The following SGCD variants were observed in gnomAD, a reference collection of about 807,000 sequenced individuals.
SGCD encodes delta-sarcoglycan.
A neutral mutation model predicts 36.6 loss-of-function variants in SGCD; 18 were observed. That is an observed-to-expected ratio of 0.49 (90% CI 0.34 to 0.73). The LOEUF is 0.73. Among genes scored for constraint, SGCD ranks in the 30% least tolerant of loss-of-function variants. The pLI, the probability that SGCD is intolerant of heterozygous loss-of-function variation, is 0.01. For missense variants in SGCD, 387 were observed against 346.7 expected (o/e 1.12, Z -0.92); for synonymous variants, 133 against 130.6 (o/e 1.02, Z -0.12).
At chr5:155,992,162 T>G (rs572245601) in intron 1 of SGCD, among the ~76,000 whole-genome samples, 1 of 152,236 alleles carries the variant, frequency 6.6e-6, no homozygotes, top group African/African-American at 2.4e-5. Context: ...AACACCAGAG[T>G]TTTGTCATCA....
intron 3 of SGCD, among the ~76,000 whole-genome samples, chr5:156,414,682 C>T: frequency 6.6e-6 from 1 of 152,186 alleles, no homozygotes; most frequent in East Asian, 1.9e-4. Context: ...GGTGGGCTCA[C>T]AGGCTGTACT....
intron 3 of SGCD, among the ~76,000 whole-genome samples, chr5:156,425,522 G>C (rs552100963): frequency 6.6e-5 from 10 of 152,112 alleles, no homozygotes; most frequent in African/African-American, 2.4e-4. Flanking sequence ...CTACAGTCCT[G>C]AGAAAGGGAC....
At chr5:155,799,823 T>C in the SGCD span, among the ~76,000 whole-genome samples, 44 of 139,238 alleles carry the variant, frequency 3.2e-4, no homozygotes, top group South Asian at 3.4e-3. Context: ...TTTTTTTTTT[T>C]TTTTTTTTTT....
chr5:156,498,962 G>GTA (rs1473447855), intron 3 of SGCD, among the ~76,000 whole-genome samples: 1 of 148,860 alleles, frequency 6.7e-6, no homozygotes, highest in African/African-American at 2.5e-5. Context: ...GTGTGTGTGT[G>GTA]TATGTGTATG....
intron 2 of SGCD, among the ~76,000 whole-genome samples, chr5:156,120,781 A>G (rs1454350557): frequency 6.6e-6 from 1 of 152,140 alleles, no homozygotes; most frequent in Admixed American, 6.6e-5. Flanking sequence ...ATGCATTTGG[A>G]TAGACTTGAG....
At chr5:156,722,715 C>A (rs554389375) in intron 7 of SGCD, among the ~76,000 whole-genome samples, 3 of 152,332 alleles carry the variant, frequency 2.0e-5, no homozygotes, top group African/African-American at 7.2e-5. Context: ...CATTCCCTGG[C>A]AGCCAGCCAT....
the SGCD span, among the ~76,000 whole-genome samples, chr5:155,745,473 T>TC: frequency 2.0e-5 from 3 of 152,190 alleles, no homozygotes; most frequent in Non-Finnish European, 2.9e-5. Flanking sequence ...TCTCTTTTTT[T>TC]CCTCATCAAT....
At chr5:155,926,747 T>TA (rs1757003742) in intron 1 of SGCD, among the ~76,000 whole-genome samples, 1 of 152,218 alleles carries the variant, frequency 6.6e-6, no homozygotes, top group Admixed American at 6.5e-5. Flanking sequence ...CTGTACCCAT[T>TA]AAAATTGATG....
intron 6 of SGCD, among the ~76,000 whole-genome samples, chr5:156,625,668 G>A (rs1049623779): frequency 6.6e-6 from 1 of 152,144 alleles, no homozygotes; most frequent in African/African-American, 2.4e-5. Context: ...CCCAGGTGAG[G>A]CTCCCTGTCC....
chr5:156,609,669 C>G (rs1761681084), intron 6 of SGCD, among the ~76,000 whole-genome samples: 1 of 152,216 alleles, frequency 6.6e-6, no homozygotes. Flanking sequence ...CTCCCCGTCA[C>G]TTTCAGGTAC....
intron 3 of SGCD, among the ~76,000 whole-genome samples, chr5:156,376,258 A>G (rs1054667478): frequency 1.4e-4 from 22 of 152,202 alleles, no homozygotes; most frequent in African/African-American, 4.8e-4. Context: ...CACAGCAAAC[A>G]TAGAGTGAGA....
At chr5:156,408,477 G>A (rs1772545538) in intron 3 of SGCD, among the ~76,000 whole-genome samples, 1 of 151,708 alleles carries the variant, frequency 6.6e-6, no homozygotes, top group Admixed American at 6.6e-5. Flanking sequence ...TCCTGCCTCA[G>A]CCTCCCCAGT....
intron 3 of SGCD, among the ~76,000 whole-genome samples, chr5:156,358,267 T>C (rs1769589093): frequency 6.6e-6 from 1 of 152,220 alleles, no homozygotes; most frequent in Non-Finnish European, 1.5e-5. Context: ...AATGAATGCT[T>C]TATAGTTCAT....
At chr5:156,243,431 G>A (rs1765354843) in intron 3 of SGCD, among the ~76,000 whole-genome samples, 1 of 152,170 alleles carries the variant, frequency 6.6e-6, no homozygotes, top group African/African-American at 2.4e-5. Context: ...AGAAGAACCA[G>A]ATTTTTTTTA....
chr5:156,348,838 C>T lies in SGCD; in HGVS notation c.192+4161C>T, dbSNP rs116719084. Among the ~76,000 whole-genome samples the T allele has an allele frequency of 2.8e-3, 424 of 152,012 alleles. 4 individuals are homozygous for T. The highest frequency in any genetic ancestry group is 9.7e-3 in the African/African-American group (403 of 41,460). The stretch of plus-strand genomic sequence containing the variant: ...ATCAAATCTGAAGGCATCACATTAC[C>T]GGACTTCAAATTATACTACAAGGCT... On this transcript the variant is annotated intron_variant, in intron 3 of 8. Transcript: ENST00000337851.
chr5:156,527,492 A>G (rs1238379502), intron 4 of SGCD, among the ~76,000 whole-genome samples: 1 of 152,112 alleles, frequency 6.6e-6, no homozygotes, highest in Non-Finnish European at 1.5e-5. Context: ...GGGAGTTAAA[A>G]CTAGCAGCCT....
chr5:155,964,793 G>T (rs1757870186), intron 1 of SGCD, among the ~76,000 whole-genome samples: 1 of 152,102 alleles, frequency 6.6e-6, no homozygotes, highest in Non-Finnish European at 1.5e-5. Flanking sequence ...ACATTGTGTG[G>T]TGAGAACAAG....
intron 4 of SGCD, among the ~76,000 whole-genome samples, chr5:156,563,566 A>C (rs1178551500): frequency 6.6e-6 from 1 of 152,216 alleles, no homozygotes; most frequent in Non-Finnish European, 1.5e-5. Context: ...GATAGTTCTT[A>C]CTGTACACCC....
intron 7 of SGCD, among the ~76,000 whole-genome samples, chr5:156,713,414 G>GT (rs940190531): frequency 1.3e-5 from 2 of 149,626 alleles, no homozygotes; most frequent in African/African-American, 5.0e-5. Flanking sequence ...ACATGTCGGG[G>GT]GGGGCGTTAT....
Sources: gnomAD v4.1 joint callset for allele counts (sites outside exome capture counted in the v4.1 genomes callset) on GRCh38, gnomAD v4.1.1 for gene constraint, MANE v1.5 for transcripts, NCBI Gene and HGNC (gene_info 2026-07-23, HGNC 2026-07-21) for gene names.